Variants in PCDH9 observed in about 807,000 individuals in gnomAD.
PCDH9 encodes the protein protocadherin 9.
In PCDH9, 24 loss-of-function variants were observed where a neutral mutation model predicts 70.6. That is an observed-to-expected ratio of 0.34 (90% confidence interval 0.25 to 0.48). The LOEUF (loss-of-function observed/expected upper bound fraction) is 0.48, where lower values mean the gene tolerates loss of function less well. Among genes scored for constraint, PCDH9 ranks in the 20% least tolerant of loss-of-function variants. The pLI is 0.99. For synonymous variants in PCDH9, 562 were observed against 558.5 expected, an observed-to-expected ratio of 1.01 and a Z score of -0.09; for missense variants, 1,281 against 1,503.6, an observed-to-expected ratio of 0.85 and a Z score of 2.45.
chr13:66,636,595 T>C (rs985147025), intron 3 of PCDH9, among the ~76,000 whole-genome samples: 1 of 152,122 alleles, frequency 6.6e-6, no homozygotes, highest in Non-Finnish European at 1.5e-5. Flanking sequence ...AAAAAGTTAT[T>C]TGTAATTGTT....
chr13:66,308,329 A>G (rs1955504430), intron 4 of PCDH9, among the ~76,000 whole-genome samples: 1 of 152,088 alleles, frequency 6.6e-6, no homozygotes, highest in Non-Finnish European at 1.5e-5. Flanking sequence ...AAATAATATT[A>G]CTTGTTCTTT....
chr13:66,577,888 G>C lies in PCDH9; in HGVS notation c.3340+53322C>G, dbSNP rs1470757223. On this transcript the variant is annotated intron_variant, in intron 4 of 4. Transcript: ENST00000377865. ...AGGACACATAACTGTAAGCTCAGCT[G>C]ATAAACTTCTGTCAGAGATTTATTA... 2.6e-5 allele frequency among the ~76,000 whole-genome samples: 4 copies of C among 152,032 alleles called. No individual in the cohort carries two copies. The South Asian group carries it at 8.3e-4, about 32-fold the overall frequency.
At chr13:66,456,997 C>G (rs1277483331) in intron 4 of PCDH9, among the ~76,000 whole-genome samples, 1 of 152,032 alleles carries the variant, frequency 6.6e-6, no homozygotes, top group African/African-American at 2.4e-5. Flanking sequence ...AAAGTAATTA[C>G]TATCCTGAAT....
intron 4 of PCDH9, among the ~76,000 whole-genome samples, chr13:66,409,031 A>G (rs1957328427): frequency 6.6e-6 from 1 of 152,158 alleles, no homozygotes; most frequent in Admixed American, 6.5e-5. Flanking sequence ...GAAAGAATAC[A>G]TACAAGAATA....
intron 4 of PCDH9, among the ~76,000 whole-genome samples, chr13:66,397,659 T>G (rs533100584): frequency 1.7e-4 from 26 of 151,458 alleles, no homozygotes; most frequent in Non-Finnish European, 3.8e-4. Context: ...ATATGTACAT[T>G]TATATATTTT....
At chr13:66,831,352 T>A (rs1339098775) in intron 3 of PCDH9, among the ~76,000 whole-genome samples, 1 of 152,200 alleles carries the variant, frequency 6.6e-6, no homozygotes, top group Non-Finnish European at 1.5e-5. Flanking sequence ...TGGACACCAA[T>A]CTTTCCTAGA....
chr13:66,977,151 T>C (rs887241840), intron 2 of PCDH9, among the ~76,000 whole-genome samples: 2 of 152,154 alleles, frequency 1.3e-5, no homozygotes, highest in Non-Finnish European at 2.9e-5. Context: ...AATTAATAAA[T>C]AATATTTTGC....
At chr13:67,162,400 T>C (rs570303981) in intron 2 of PCDH9, among the ~76,000 whole-genome samples, 3 of 152,362 alleles carry the variant, frequency 2.0e-5, no homozygotes, top group South Asian at 4.1e-4. Flanking sequence ...GTGGACTGGA[T>C]ATTTTCTCTT....
intron 2 of PCDH9, among the ~76,000 whole-genome samples, chr13:66,974,201 G>C (rs1036787652): frequency 6.6e-6 from 1 of 151,938 alleles, no homozygotes; most frequent in Non-Finnish European, 1.5e-5. Flanking sequence ...TGATATGAGA[G>C]TCTAATATAT....
chr13:67,027,908 G>A (rs1416516798), intron 2 of PCDH9, among the ~76,000 whole-genome samples: 5 of 151,542 alleles, frequency 3.3e-5, no homozygotes, highest in Non-Finnish European at 7.4e-5. Flanking sequence ...TCATTAAAAA[G>A]TCAGGAAACA....
intron 4 of PCDH9, among the ~76,000 whole-genome samples, chr13:66,583,218 A>G (rs946216555): frequency 6.6e-6 from 1 of 152,132 alleles, no homozygotes; most frequent in Non-Finnish European, 1.5e-5. Flanking sequence ...ATTTAATAAA[A>G]TAAATAAATG....
intron 3 of PCDH9, among the ~76,000 whole-genome samples, chr13:66,776,473 T>TATACCCC (rs1214136924): frequency 6.6e-6 from 1 of 151,038 alleles, no homozygotes; most frequent in Non-Finnish European, 1.5e-5. Context: ...CAAGCATTCT[T>TATACCCC]ATACCCCAAT....
At chr13:66,383,458 A>C (rs935368668) in intron 4 of PCDH9, among the ~76,000 whole-genome samples, 1 of 152,200 alleles carries the variant, frequency 6.6e-6, no homozygotes, top group African/African-American at 2.4e-5. Flanking sequence ...CATCAAAGTC[A>C]ACTTGCTAAT....
chr13:66,759,436 T>C (rs1366648434), intron 3 of PCDH9, among the ~76,000 whole-genome samples: 1 of 152,138 alleles, frequency 6.6e-6, no homozygotes, highest in Non-Finnish European at 1.5e-5. Flanking sequence ...TGTTTATACA[T>C]TCAGCCACTC....
At chr13:67,144,138 G>A (rs1398246093) in intron 2 of PCDH9, among the ~76,000 whole-genome samples, 1 of 152,142 alleles carries the variant, frequency 6.6e-6, no homozygotes, top group Non-Finnish European at 1.5e-5. Context: ...ACTATCTTTA[G>A]AACTCTAGAA....
chr13:66,730,887 G>GTTTTTTGTTT lies in PCDH9; in HGVS notation c.3139-99477_3139-99476insAAACAAAAAA, dbSNP rs1303010293. ...TTTTGTGTGTGTGTGTTTTTTTTTTGTTTGTTTCTTTTTTTTTGTGGAGAC... is the reference window on the plus strand; with the variant it reads ...TTTTGTGTGTGTGTGTTTTTTTTTTGTTTTTTGTTTTTTGTTTCTTTTTTTTTGTGGAGAC... On this transcript the variant is annotated intron_variant, in intron 3 of 4. Coordinates refer to ENST00000377865, the MANE Select transcript of PCDH9 (RefSeq NM_203487.3). Among the ~76,000 whole-genome samples the GTTTTTTGTTT allele has an allele frequency of 2.3e-3, 138 of 60,758 alleles. 6 individuals carry two copies. The highest frequency in any genetic ancestry group is 8.2e-3 in the African/African-American group (132 of 16,036). The allele number at this position is 60,758 out of a possible 152,430, so 39.9% of individuals were successfully genotyped here. A position where few individuals can be genotyped will look rare whatever the true frequency, so the allele number is the denominator to read the frequency against.
chr13:66,998,157 G>T lies in PCDH9; in HGVS notation c.3037-94552C>A, dbSNP rs555948013. Among the ~76,000 whole-genome samples, 3 of 152,296 alleles carry T rather than the reference G, an allele frequency of 2.0e-5. No individual in the cohort carries two copies. In the South Asian group the frequency reaches 6.2e-4, roughly 32 times the overall value. ...TAAATAATGATTAATCCAGTTTAGA[G>T]AGTGGCAACAGTGTCCACAAGTGAG... On this transcript the variant is annotated intron_variant, in intron 2 of 4. Coordinates refer to ENST00000377865, the MANE Select transcript of PCDH9 (RefSeq NM_203487.3).
intron 2 of PCDH9, among the ~76,000 whole-genome samples, chr13:67,149,331 G>A (rs1365922190): frequency 6.6e-6 from 1 of 152,032 alleles, no homozygotes; most frequent in African/African-American, 2.4e-5. Context: ...TGTCATGTTG[G>A]ATATGACAAT....
At chr13:66,621,887 G>A (rs1321293124) in intron 4 of PCDH9, among the ~76,000 whole-genome samples, 1 of 152,236 alleles carries the variant, frequency 6.6e-6, no homozygotes, top group East Asian at 1.9e-4. Context: ...CACTGTGGGA[G>A]CCCCTTTCTG....
Sources: gnomAD v4.1 joint callset for allele counts (sites outside exome capture counted in the v4.1 genomes callset) on GRCh38, gnomAD v4.1.1 for gene constraint, MANE v1.5 for transcripts, NCBI Gene and HGNC (gene_info 2026-07-23, HGNC 2026-07-21) for gene names.